The following RNF32 variants were observed in gnomAD, a reference collection of about 807,000 sequenced individuals.
The protein encoded by RNF32 is ring finger protein 32.
In RNF32, 36 loss-of-function variants were observed where a neutral mutation model predicts 41.0. The observed-to-expected ratio is 0.88, with a 90% CI of 0.67 to 1.16. The LOEUF is 1.16. Among genes scored for constraint, RNF32 ranks in the 50% most tolerant of loss-of-function variants. The pLI is 0.00. For missense variants in RNF32, 413 were observed against 436.7 expected, an observed-to-expected ratio of 0.95 and a Z score of 0.48; for synonymous variants, 154 against 160.9, an observed-to-expected ratio of 0.96 and a Z score of 0.32.
chr7:156,671,943 G>C (rs1802645999), intron 7 of RNF32, among the ~76,000 whole-genome samples: 2 of 152,194 alleles, frequency 1.3e-5, no homozygotes. Flanking sequence ...AGAAATTTCA[G>C]TTGAATAGCA....
At chr7:156,658,044 A>G (rs779966499) in intron 5 of RNF32, 84 bp from the exon 6 acceptor site, 14 of 1,366,666 alleles carry the variant, frequency 1.0e-5, no homozygotes, top group South Asian at 1.3e-5. Flanking sequence ...AAAGAACACT[A>G]TAATTAGAAC....
intron 3 of RNF32, among the ~76,000 whole-genome samples, 173 bp downstream of exon 3, chr7:156,644,930 G>C (rs965333766): frequency 1.3e-5 from 2 of 152,162 alleles, no homozygotes; most frequent in Non-Finnish European, 2.9e-5. Context: ...GGGACCATTA[G>C]AGCAAGAAGG....
At position 156,644,389 on chromosome 7, in the gene RNF32, T is replaced by C. The variant is rs988059973; in HGVS notation, c.16-110T>C. The C allele has an allele frequency of 4.9e-6, 4 of 810,616 alleles. No homozygotes were observed. The African/African-American group carries it at 7.0e-5, about 14-fold the overall frequency. The allele number at this position is 810,616 out of a possible 1,614,324, so 50.2% of individuals were successfully genotyped here. ...ACAATGAGTCAAGCATTCCTTACTA[T>C]TTGATTTGGTTGTATGTGCCATCAA... On this transcript the variant is annotated intron_variant, in intron 2 of 8. Coordinates refer to ENST00000317955, the MANE Select transcript of RNF32 (RefSeq NM_030936.4).
At chr7:156,665,823 C>G (rs1801265495) in intron 7 of RNF32, among the ~76,000 whole-genome samples, 1 of 152,132 alleles carries the variant, frequency 6.6e-6, no homozygotes, top group Non-Finnish European at 1.5e-5. Flanking sequence ...ACTTACCTTA[C>G]CAAGTTAGAG....
rs1298503088 is a variant in RNF32 at position 156,670,270 on chromosome 7, T to G, written c.685-5426T>G. On this transcript the variant is annotated intron_variant, in intron 7 of 8. Coordinates refer to ENST00000317955, the MANE Select transcript of RNF32 (RefSeq NM_030936.4). The surrounding 1 kb of genome is among the most constrained non-coding windows in gnomAD (Gnocchi z 4.3). ...CTAAGCACGGCTGGCTCTACTGTTT[T>G]GACTTTGGCTCTTGATACACACACA... Among the ~76,000 whole-genome samples the G allele has an allele frequency of 2.0e-5, 3 of 152,208 alleles. No individual in the cohort carries two copies. The highest frequency in any genetic ancestry group is 7.2e-5 in the African/African-American group (3 of 41,448).
intron 1 of RNF32, 93 bp from the exon 2 acceptor site, chr7:156,643,708 A>C (rs1462991117): frequency 3.1e-6 from 2 of 653,504 alleles, no homozygotes; most frequent in East Asian, 5.2e-5. Flanking sequence ...CTGCTGCTTC[A>C]GGATCTGTTA....
intron 2 of RNF32, 150 bp from the exon 3 acceptor site, chr7:156,644,349 G>A: frequency 4.5e-6 from 3 of 660,522 alleles, no homozygotes; most frequent in Non-Finnish European, 8.0e-6. Flanking sequence ...ACAAGGGTCT[G>A]CTCCTACTTA....
Position 156,670,707 on chromosome 7 carries a change from C to T in RNF32, c.685-4989C>T, listed in dbSNP as rs928093936. Among the ~76,000 whole-genome samples the T allele has an allele frequency of 1.1e-4, 16 of 152,200 alleles. No individual in the cohort carries two copies. The highest frequency in any genetic ancestry group is 3.1e-4 in the African/African-American group (13 of 41,508). ...AAGGTGAGATGGCATCTCCGTGTGT[C>T]GGGAGAGACCTAACCGCCAGTCTAG... On this transcript the variant is annotated intron_variant, in intron 7 of 8. Coordinates refer to ENST00000317955, the MANE Select transcript of RNF32 (RefSeq NM_030936.4). The surrounding 1 kb of genome is among the most constrained non-coding windows in gnomAD (Gnocchi z 4.3).
At position 156,676,660 on chromosome 7, in the gene RNF32, A is replaced by G. The variant is rs773769298; in HGVS notation, c.*5A>G. On this transcript the variant is annotated 3_prime_UTR_variant, in exon 9 of 9. Coordinates refer to ENST00000317955, the MANE Select transcript of RNF32 (RefSeq NM_030936.4). ...AAGAAGATTCTTGAATGTTGAATTCATAGTCAAGGAAAGTTAGGTAATTCT... is the reference window on the plus strand; with the variant it reads ...AAGAAGATTCTTGAATGTTGAATTCGTAGTCAAGGAAAGTTAGGTAATTCT... The G allele has an allele frequency of 2.5e-6, 4 of 1,608,796 alleles. No homozygotes were observed. The East Asian group carries it at 6.7e-5, about 27-fold the overall frequency.
intron 7 of RNF32, among the ~76,000 whole-genome samples, chr7:156,661,134 G>A (rs955562586): frequency 3.9e-5 from 6 of 152,174 alleles, no homozygotes; most frequent in Non-Finnish European, 5.9e-5. Flanking sequence ...GTTTCTTACT[G>A]CCTCAGACTG....
chr7:156,653,227 A>T (rs754086469), intron 3 of RNF32, among the ~76,000 whole-genome samples: 1 of 152,158 alleles, frequency 6.6e-6, no homozygotes, highest in Non-Finnish European at 1.5e-5. Flanking sequence ...GGAAGCACAG[A>T]TCCTTACCAT....
At chr7:156,660,249 A>G in intron 7 of RNF32, 1 of 985,394 alleles carries the variant, frequency 1.0e-6, no homozygotes, top group Non-Finnish European at 1.2e-6. Flanking sequence ...AGCCTAGCTG[A>G]AGCTTTCTTC....
At chr7:156,652,207 T>C (rs1352597547) in intron 3 of RNF32, among the ~76,000 whole-genome samples, 2 of 152,216 alleles carry the variant, frequency 1.3e-5, no homozygotes, top group Non-Finnish European at 2.9e-5. Flanking sequence ...CTGTCTGTTG[T>C]GCTGTGGATG....
At chr7:156,673,847 C>T (rs1222657303) in intron 7 of RNF32, among the ~76,000 whole-genome samples, 1 of 151,676 alleles carries the variant, frequency 6.6e-6, no homozygotes, top group African/African-American at 2.4e-5. Context: ...CTCAAAGGCA[C>T]CTTCAGAAGT....
intron 3 of RNF32, among the ~76,000 whole-genome samples, chr7:156,651,029 C>T (rs1009735953): frequency 2.6e-5 from 4 of 152,110 alleles, no homozygotes; most frequent in African/African-American, 9.7e-5. Context: ...TTCTCCATAG[C>T]GTTCATCACA....
intron 3 of RNF32, chr7:156,646,338 C>A: frequency 9.4e-7 from 1 of 1,069,424 alleles, no homozygotes; most frequent in Non-Finnish European, 1.3e-6. Flanking sequence ...TTACCTTTCC[C>A]TGGTGGTTCC....
chr7:156,659,584 C>T (rs75795444), intron 7 of RNF32: 2 of 955,778 alleles, frequency 2.1e-6, no homozygotes, highest in South Asian at 4.8e-5. Flanking sequence ...ACCTCTTATA[C>T]AATTTTAATT....
chr7:156,660,006 C>T (rs1800371513), intron 7 of RNF32: 6 of 985,410 alleles, frequency 6.1e-6, no homozygotes, highest in African/African-American at 1.7e-5. Context: ...CTCTGTCCCA[C>T]TGGACGTTGG....
rs1011946153 is a variant in RNF32 at position 156,676,460 on chromosome 7, C to T, written c.894C>T (p.Ala298=). ...CCCACGAGTGCTCCATCTGCCTGGCCCCTCTCTCCGCTGCTGGCGGTCAGC... is the reference window on the plus strand; with the variant it reads ...CCCACGAGTGCTCCATCTGCCTGGCTCCTCTCTCCGCTGCTGGCGGTCAGC... ...RETHECSICL[A]PLSAAGGQRV... The change falls in exon 9 of 9, where the codon GCC becomes GCT. Residue 298 remains alanine, a synonymous_variant. Transcript: ENST00000317955. 6.2e-7 allele frequency: 1 copy of T among 1,613,972 alleles called. No homozygotes were observed. The highest frequency in any genetic ancestry group is 1.3e-5 in the African/African-American group (1 of 74,940).
Sources: gnomAD v4.1 joint callset for allele counts (sites outside exome capture counted in the v4.1 genomes callset) on GRCh38, gnomAD v4.1.1 for gene constraint, Gnocchi (gnomAD v3.1) non-coding constraint, MANE v1.5 for transcripts, NCBI Gene and HGNC (gene_info 2026-07-23, HGNC 2026-07-21) for gene names.